KSR2: variants seen among roughly 807,000 people sequenced by gnomAD.
The protein encoded by KSR2 is kinase suppressor of ras 2.
A neutral mutation model predicts 107.8 loss-of-function variants in KSR2; 25 were observed. The observed-to-expected ratio is 0.23, with a 90% CI of 0.17 to 0.32. KSR2 has a LOEUF of 0.32. Ranked by LOEUF, KSR2 falls within the 10% of genes least tolerant of loss-of-function variation. The pLI, the probability that KSR2 is intolerant of heterozygous loss-of-function variation, is 1.00. For missense variants in KSR2, 887 were observed against 1,268.9 expected, an observed-to-expected ratio of 0.70 and a Z score of 4.57; for synonymous variants, 480 against 507.0, an observed-to-expected ratio of 0.95 and a Z score of 0.71.
chr12:117,476,321 G>T (rs541894059), intron 17 of KSR2, 143 bp downstream of exon 17: 19 of 927,628 alleles, frequency 2.0e-5, no homozygotes, highest in East Asian at 2.9e-5. Context: ...CCCTACTCAG[G>T]TTCCTCCATT....
At position 117,816,218 on chromosome 12, in the gene KSR2, T is replaced by A. The variant is rs115649706; in HGVS notation, c.472+39210A>T. 1.5e-3 allele frequency among the ~76,000 whole-genome samples: 223 copies of A among 152,214 alleles called. 2 individuals carry two copies. The highest frequency in any genetic ancestry group is 5.0e-3 in the African/African-American group (207 of 41,526). ...GCCATGCACCTCCTCCAGGTTCTGT[T>A]GGATCACACACTGTTGGAGCCCAAC... is the stretch of plus-strand genomic sequence containing the variant. On this transcript the variant is annotated intron_variant, in intron 3 of 19. Coordinates refer to ENST00000339824, the MANE Select transcript of KSR2 (RefSeq NM_173598.6).
chr12:117,768,330 T>C (rs531221681), intron 3 of KSR2, among the ~76,000 whole-genome samples: 1 of 152,280 alleles, frequency 6.6e-6, no homozygotes, highest in African/African-American at 2.4e-5. Context: ...TCTTTGATCA[T>C]ATGGCTTAAA....
chr12:117,890,208 T>C (rs1056760928), intron 1 of KSR2, among the ~76,000 whole-genome samples: 1 of 152,240 alleles, frequency 6.6e-6, no homozygotes, highest in Non-Finnish European at 1.5e-5. Context: ...TCCTATCTTA[T>C]GTCTTTGAGA....
At chr12:117,571,084 C>A (rs761052140) in intron 7 of KSR2, among the ~76,000 whole-genome samples, 9 of 152,088 alleles carry the variant, frequency 5.9e-5, no homozygotes, top group Admixed American at 2.0e-4. Context: ...ATAGTGAAAC[C>A]CTGTCTCTAC....
At chr12:117,618,832 A>G (rs2136334593) in intron 5 of KSR2, among the ~76,000 whole-genome samples, 1 of 152,156 alleles carries the variant, frequency 6.6e-6, no homozygotes, top group South Asian at 2.1e-4. Flanking sequence ...TTTAGAAATC[A>G]CTCAGTCTCG....
At chr12:117,532,133 C>T (rs974000024) in intron 10 of KSR2, among the ~76,000 whole-genome samples, 4 of 152,226 alleles carry the variant, frequency 2.6e-5, no homozygotes, top group Admixed American at 1.3e-4. Context: ...CTGCAACGAG[C>T]ATCGTATCAG....
intron 14 of KSR2, among the ~76,000 whole-genome samples, chr12:117,516,451 T>C (rs1014469745): frequency 6.6e-6 from 1 of 152,178 alleles, no homozygotes; most frequent in Non-Finnish European, 1.5e-5. Context: ...TTGCTGTTTG[T>C]AGTGTCAAAG....
chr12:117,530,628 G>A (rs1875549277), intron 12 of KSR2, among the ~76,000 whole-genome samples: 1 of 152,106 alleles, frequency 6.6e-6, no homozygotes, highest in Non-Finnish European at 1.5e-5. Flanking sequence ...CCTAATCACA[G>A]GGAGGTTATG....
Position 117,906,476 on chromosome 12 carries a change from C to T in KSR2, c.181-46045G>A, listed in dbSNP as rs187761714. Among the ~76,000 whole-genome samples, 21 of 151,428 alleles carry T rather than the reference C, an allele frequency of 1.4e-4. No individual in the cohort carries two copies. In the East Asian group the frequency reaches 2.1e-3, roughly 15 times the overall value. On this transcript the variant is annotated intron_variant, in intron 1 of 19. Coordinates refer to ENST00000339824, the MANE Select transcript of KSR2 (RefSeq NM_173598.6). ...CAAAAATTAGCTGGGCATGGTGGTA[C>T]GCGCCTGTAGTTCCAGCTACTTGGA...
chr12:117,852,753 G>A (rs1892969666), intron 3 of KSR2, among the ~76,000 whole-genome samples: 1 of 152,126 alleles, frequency 6.6e-6, no homozygotes, highest in Non-Finnish European at 1.5e-5. Context: ...CAAACTTTCT[G>A]GAAAGATATA....
chr12:117,481,678 CTGAG>C (rs1385178916), intron 16 of KSR2, among the ~76,000 whole-genome samples: 2 of 152,224 alleles, frequency 1.3e-5, no homozygotes, highest in African/African-American at 4.8e-5. Flanking sequence ...TGCTGACTGG[CTGAG>C]TGAGTAATGA....
intron 7 of KSR2, among the ~76,000 whole-genome samples, chr12:117,561,396 C>T (rs1259430305): frequency 6.6e-6 from 1 of 152,194 alleles, no homozygotes; most frequent in African/African-American, 2.4e-5. Context: ...ATCCTGAGTG[C>T]TTTACATCAT....
Position 117,539,771 on chromosome 12 carries a change from G to A in KSR2, c.1635C>T (p.Pro545=). 6.2e-7 allele frequency: 1 copy of A among 1,608,048 alleles called. No individual in the cohort carries two copies. Among genetic ancestry groups the A allele is most frequent in the Non-Finnish European group, 8.5e-7 (1 of 1,178,188 alleles). ...GTGTGCACTGTGGGGAAGGGTGTAG[G>A]GGAGAAGGCGGCGTGGCACTAGGAG... ...PLPPSATPPS[P]LHPSPQCTRQ... Residue 545 remains proline, a synonymous_variant, in exon 10 of 20, where the codon CCC becomes CCT. Transcript: ENST00000339824.
rs1037699865 is a variant in KSR2 at position 117,531,620 on chromosome 12, C to T, written c.1729+46G>A. On this transcript the variant is annotated intron_variant, in intron 11 of 19. Coordinates refer to ENST00000339824, the MANE Select transcript of KSR2 (RefSeq NM_173598.6). ...CATCCCAGAAACTCCTGCAATGCAG[C>T]GGGGCTTGTTCAGAAGGGGCTGCTT... is the stretch of plus-strand genomic sequence containing the variant. 35 of 1,558,556 alleles carry T rather than the reference C, an allele frequency of 2.2e-5. 1 individual carries two copies. The highest frequency in any genetic ancestry group is 4.1e-5 in the African/African-American group (3 of 72,872).
intron 7 of KSR2, among the ~76,000 whole-genome samples, chr12:117,574,547 A>C (rs1025452589): frequency 1.3e-5 from 2 of 152,152 alleles, no homozygotes; most frequent in African/African-American, 4.8e-5. Context: ...AAACCATCAG[A>C]TCTCTTGAGA....
intron 5 of KSR2, among the ~76,000 whole-genome samples, chr12:117,664,835 A>G (rs1884591375): frequency 6.6e-6 from 1 of 152,166 alleles, no homozygotes; most frequent in East Asian, 1.9e-4. Context: ...TGGGAATTCT[A>G]GCACCTGCCT....
At chr12:117,706,933 G>T (rs1200555705) in intron 4 of KSR2, among the ~76,000 whole-genome samples, 1 of 152,102 alleles carries the variant, frequency 6.6e-6, no homozygotes, top group African/African-American at 2.4e-5. Flanking sequence ...AGCAATAATT[G>T]CTAAAAAATT....
At chr12:117,546,392 G>T (rs1175867759) in intron 9 of KSR2, among the ~76,000 whole-genome samples, 1 of 152,126 alleles carries the variant, frequency 6.6e-6, no homozygotes, top group Non-Finnish European at 1.5e-5. Flanking sequence ...CTTTCAAGAT[G>T]CTTTTGTCTG....
rs1427741769 is a variant in KSR2 at position 117,464,016 on chromosome 12, C to T, written c.*3183G>A. 6.6e-6 allele frequency: 1 copy of T among 152,142 alleles called. No homozygotes were observed. Among genetic ancestry groups the T allele is most frequent in the Non-Finnish European group, 1.5e-5 (1 of 68,038 alleles). 9.4% of individuals were successfully genotyped at this position (152,142 alleles called of 1,614,324 possible). On this transcript the variant is annotated 3_prime_UTR_variant, in exon 20 of 20. Coordinates refer to ENST00000339824, the MANE Select transcript of KSR2 (RefSeq NM_173598.6). ...GCAAGATGAAAATTTTCTCTTTGAT[C>T]AGTAAAAGGAATACCAGGACAAAAT...
Sources: allele counts gnomAD v4.1 joint callset (sites outside exome capture counted in the v4.1 genomes callset), GRCh38; gene constraint gnomAD v4.1.1; transcripts MANE v1.5; gene names NCBI Gene and HGNC (gene_info 2026-07-23, HGNC 2026-07-21).